CNTNAP2: variants seen among roughly 807,000 people sequenced by gnomAD.
CNTNAP2 encodes contactin associated protein 2.
CNTNAP2 carries 98 observed loss-of-function variants against 155.2 expected under a neutral mutation model. The ratio of observed to expected loss-of-function variants is 0.63; its 90% CI spans 0.54 to 0.75. The LOEUF (loss-of-function observed/expected upper bound fraction) is 0.75, where lower values mean the gene tolerates loss of function less well. CNTNAP2 is among the 30% of genes least tolerant of loss of function. The pLI is 0.00. For missense variants in CNTNAP2, 1,727 were observed against 1,688.1 expected (o/e 1.02, Z -0.40); for synonymous variants, 651 against 631.2 (o/e 1.03, Z -0.47).
chr7:146,970,163 G>A (rs527633899), intron 3 of CNTNAP2, among the ~76,000 whole-genome samples: 10 of 152,258 alleles, frequency 6.6e-5, no homozygotes, highest in Admixed American at 2.0e-4. Flanking sequence ...AGGACTTCAT[G>A]TCCAAAACAC....
chr7:147,606,138 C>A (rs909733680), intron 12 of CNTNAP2, among the ~76,000 whole-genome samples: 2 of 152,062 alleles, frequency 1.3e-5, no homozygotes, highest in African/African-American at 4.8e-5. Context: ...TAGCACAATT[C>A]AAAAAGTACT....
chr7:148,281,346 G>A (rs951358130), intron 21 of CNTNAP2, among the ~76,000 whole-genome samples: 3 of 152,216 alleles, frequency 2.0e-5, no homozygotes, highest in Non-Finnish European at 4.4e-5. Context: ...TACCTCCTAA[G>A]AGTAGAATGC....
intron 1 of CNTNAP2, among the ~76,000 whole-genome samples, chr7:146,613,775 G>A (rs764116613): frequency 3.3e-5 from 5 of 152,090 alleles, no homozygotes; most frequent in Admixed American, 6.5e-5. Context: ...ATTGGACACC[G>A]TGGGAATCAA....
intron 8 of CNTNAP2, among the ~76,000 whole-genome samples, chr7:147,264,133 C>T (rs1804554210): frequency 6.6e-6 from 1 of 151,906 alleles, no homozygotes; most frequent in Non-Finnish European, 1.5e-5. Context: ...AAAGGTCAGA[C>T]AAAGGCAAGG....
At chr7:146,789,267 T>G (rs1291810148) in intron 2 of CNTNAP2, among the ~76,000 whole-genome samples, 1 of 152,208 alleles carries the variant, frequency 6.6e-6, no homozygotes, top group Non-Finnish European at 1.5e-5. Flanking sequence ...GTGAGAACTT[T>G]TCTTTTGGAA....
chr7:147,711,305 C>A (rs1020889842), intron 13 of CNTNAP2, among the ~76,000 whole-genome samples: 8 of 152,238 alleles, frequency 5.3e-5, no homozygotes, highest in Middle Eastern at 3.4e-3. Context: ...CACTTAACTA[C>A]AACATCTTTC....
chr7:146,559,403 A>G (rs1256689460), intron 1 of CNTNAP2, among the ~76,000 whole-genome samples: 2 of 152,044 alleles, frequency 1.3e-5, no homozygotes, highest in African/African-American at 4.8e-5. Flanking sequence ...CCTCGTCTGT[A>G]CTAAAAATAT....
chr7:146,462,872 A>G (rs1191722726), intron 1 of CNTNAP2, among the ~76,000 whole-genome samples: 1 of 152,202 alleles, frequency 6.6e-6, no homozygotes, highest in East Asian at 1.9e-4. Context: ...TGAATAGTCC[A>G]GAAATTAGTA....
intron 1 of CNTNAP2, among the ~76,000 whole-genome samples, chr7:146,506,321 G>T (rs7789232): frequency 1.3e-5 from 2 of 152,208 alleles, no homozygotes; most frequent in Non-Finnish European, 2.9e-5. Context: ...TTGGGCAGCT[G>T]TCTCTGTCTG....
At chr7:148,257,852 CATTCACAGAG>C (rs1316761950) in intron 20 of CNTNAP2, among the ~76,000 whole-genome samples, 1 of 152,154 alleles carries the variant, frequency 6.6e-6, no homozygotes, top group Non-Finnish European at 1.5e-5. Flanking sequence ...TCCACTGAGT[CATTCACAGAG>C]ATTCCTCCCT....
At chr7:146,407,405 A>C (rs1428447009) in intron 1 of CNTNAP2, among the ~76,000 whole-genome samples, 1 of 152,192 alleles carries the variant, frequency 6.6e-6, no homozygotes, top group Admixed American at 6.5e-5. Context: ...TTCAAGTCTC[A>C]TGAAATGTAC....
chr7:148,380,278 T>C (rs1637852), intron 21 of CNTNAP2, among the ~76,000 whole-genome samples: 108,822 of 152,152 alleles, frequency 0.72, 40,075 homozygotes, highest in Admixed American at 0.81. Context: ...TAGAGTAACA[T>C]ACTTTACTTG....
intron 1 of CNTNAP2, among the ~76,000 whole-genome samples, chr7:146,573,975 T>C (rs922250689): frequency 1.3e-5 from 2 of 152,210 alleles, no homozygotes; most frequent in African/African-American, 2.4e-5. Flanking sequence ...TATTATGTTG[T>C]CTTAATTGTT....
intron 13 of CNTNAP2, among the ~76,000 whole-genome samples, chr7:147,739,650 C>G (rs1010016781): frequency 1.3e-5 from 2 of 151,730 alleles, no homozygotes; most frequent in Non-Finnish European, 2.9e-5. Flanking sequence ...CAGTCAGAAG[C>G]CTTGAGAAGC....
At chr7:147,099,091 T>C (rs1800604935) in intron 4 of CNTNAP2, among the ~76,000 whole-genome samples, 2 of 151,928 alleles carry the variant, frequency 1.3e-5, no homozygotes, top group South Asian at 4.1e-4. Flanking sequence ...TGGGAAGGGA[T>C]AGGTGCAGCA....
intron 10 of CNTNAP2, among the ~76,000 whole-genome samples, chr7:147,433,679 C>T (rs1288886663): frequency 2.0e-5 from 3 of 152,162 alleles, no homozygotes; most frequent in Non-Finnish European, 2.9e-5. Flanking sequence ...AACAAGGTTT[C>T]TCCTCCGTGT....
At chr7:147,460,609 A>G (rs1214258057) in intron 10 of CNTNAP2, among the ~76,000 whole-genome samples, 1 of 151,350 alleles carries the variant, frequency 6.6e-6, no homozygotes, top group East Asian at 1.9e-4. Context: ...GAATGCACCT[A>G]GGTCAGATTT....
intron 10 of CNTNAP2, among the ~76,000 whole-genome samples, chr7:147,467,973 G>A (rs1015725455): frequency 6.6e-6 from 1 of 152,092 alleles, no homozygotes; most frequent in African/African-American, 2.4e-5. Flanking sequence ...TGAGGTTACA[G>A]TATGCTATGA....
intron 1 of CNTNAP2, among the ~76,000 whole-genome samples, chr7:146,225,747 T>C (rs1049074689): frequency 6.6e-6 from 1 of 152,226 alleles, no homozygotes; most frequent in Non-Finnish European, 1.5e-5. Flanking sequence ...CAGTAGCTTG[T>C]CTTCTGCCTA....
Sources: allele counts gnomAD v4.1 joint callset (sites outside exome capture counted in the v4.1 genomes callset), GRCh38; gene constraint gnomAD v4.1.1; transcripts MANE v1.5; gene names NCBI Gene and HGNC (gene_info 2026-07-23, HGNC 2026-07-21).